UBE2C: variants seen among roughly 807,000 people sequenced by gnomAD.
The protein encoded by UBE2C is ubiquitin-conjugating enzyme E2 C.
A neutral mutation model predicts 23.5 loss-of-function variants in UBE2C; 16 were observed. The observed-to-expected ratio is 0.68, with a 90% CI of 0.46 to 1.03. The LOEUF is 1.03. UBE2C is among the 50% of genes least tolerant of loss of function. The pLI is 0.00. For missense variants in UBE2C, 192 were observed against 227.6 expected (o/e 0.84, Z 1.01); for synonymous variants, 76 against 91.6 (o/e 0.83, Z 0.97).
At chr20:45,812,875 C>T (rs1982052403) in intron 1 of UBE2C, 79 bp downstream of exon 1, 3 of 1,458,196 alleles carry the variant, frequency 2.1e-6, no homozygotes, top group Non-Finnish European at 2.7e-6. Flanking sequence ...TCTAGGACCA[C>T]CCCCCGCCGC....
In UBE2C at chr20:45,815,460, G is replaced by C. The variant is rs78668952; in HGVS notation, c.217-81G>C. 1,216 of 1,614,116 alleles carry C rather than the reference G, an allele frequency of 7.5e-4. 4 individuals carry two copies. Among genetic ancestry groups the C allele is most frequent in the South Asian group, 1.6e-3 (147 of 91,070 alleles). On this transcript the variant is annotated intron_variant, in intron 3 of 5. Transcript: ENST00000356455. The stretch of plus-strand genomic sequence containing the variant: ...GGTCCCAGAGAAACTCAAGATTCTA[G>C]CAAGCCCCTTGTGTGGGGCTTGGGT...
At chr20:45,814,128 A>ATCTCTCTC (rs10644383) in intron 2 of UBE2C, among the ~76,000 whole-genome samples, 5,250 of 140,880 alleles carry the variant, frequency 0.037, 170 homozygotes, top group African/African-American at 0.077. Context: ...CTCTCTCTCA[A>ATCTCTCTC]TCTCTCTCTC....
At chr20:45,813,494 C>A in intron 2 of UBE2C, 30 bp downstream of exon 2, 2 of 1,614,076 alleles carry the variant, frequency 1.2e-6, no homozygotes, top group South Asian at 1.1e-5. Flanking sequence ...GAACCCCAGC[C>A]TTCCATCCAA....
intron 4 of UBE2C, 30 bp downstream of exon 4, chr20:45,815,775 T>G (rs762337764): frequency 2.5e-6 from 4 of 1,611,960 alleles, no homozygotes; most frequent in Non-Finnish European, 3.4e-6. Flanking sequence ...CTCCCCTCCA[T>G]GCAACTTGGG....
At position 45,816,788 on chromosome 20, in the gene UBE2C, C is replaced by T; in HGVS notation, c.*21C>T. On this transcript the variant is annotated 3_prime_UTR_variant, in exon 6 of 6. Transcript: ENST00000356455. ...CCTGACCCAGGCTGCCCAGCCTGTC[C>T]TTGTGTCGTCTTTTTAATTTTTCCT... is the stretch of plus-strand genomic sequence containing the variant. The T allele has an allele frequency of 6.2e-7, 1 of 1,603,148 alleles. No homozygotes were observed. Among genetic ancestry groups the T allele is most frequent in the Non-Finnish European group, 8.5e-7 (1 of 1,175,564 alleles).
chr20:45,816,223 GC>G (rs1244213692), intron 5 of UBE2C, among the ~76,000 whole-genome samples: 2 of 152,224 alleles, frequency 1.3e-5, no homozygotes, highest in African/African-American at 4.8e-5. Context: ...CTGGAAGCAA[GC>G]CCTTCCAGGA....
chr20:45,813,556 A>G, intron 2 of UBE2C, 92 bp downstream of exon 2: 1 of 1,556,928 alleles, frequency 6.4e-7, no homozygotes, highest in Non-Finnish European at 8.9e-7. Context: ...CATAGGGGTA[A>G]TGTAATTTGC....
At chr20:45,816,439 C>T (rs887589153) in intron 5 of UBE2C, among the ~76,000 whole-genome samples, 2 of 152,170 alleles carry the variant, frequency 1.3e-5, no homozygotes, top group African/African-American at 4.8e-5. Flanking sequence ...AGTTTGAGAC[C>T]AGCCTGGCCA....
chr20:45,816,587 A>G (rs1982579427), intron 5 of UBE2C, 122 bp from the exon 6 acceptor site: 1 of 803,104 alleles, frequency 1.2e-6, no homozygotes, highest in Admixed American at 2.3e-5. Flanking sequence ...CAGTGAGCAG[A>G]CATCATGCTA....
At chr20:45,812,822 C>T (rs1435105275) in intron 1 of UBE2C, 26 bp downstream of exon 1, 6 of 1,545,562 alleles carry the variant, frequency 3.9e-6, no homozygotes, top group Non-Finnish European at 5.2e-6. Context: ...TACCACTCGC[C>T]GGGCCTGCCA....
Position 45,815,626 on chromosome 20 carries a change from C to T in UBE2C, c.302C>T (p.Pro101Leu), listed in dbSNP as rs1254022907. 6.2e-7 allele frequency: 1 copy of T among 1,613,840 alleles called. No homozygotes were observed. The highest frequency in any genetic ancestry group is 8.5e-7 in the Non-Finnish European group (1 of 1,179,920). The change falls in exon 4 of 6, where the codon CCC (proline) becomes CTC (leucine). Residue 101 changes from proline to leucine, a missense_variant. Transcript: ENST00000356455. ...GCGCCCACAGTGAAGTTCCTCACGC[C>T]CTGCTATCACCCCAACGTGGACACC... ...YNAPTVKFLT[P>L]CYHPNVDTQG...
rs370172572 is a variant in UBE2C at position 45,814,333 on chromosome 20, G to T, written c.130-51G>T. 229 of 1,402,116 alleles carry T rather than the reference G, an allele frequency of 1.6e-4. 1 individual carries two copies. The highest frequency in any genetic ancestry group is 2.2e-4 in the Non-Finnish European group (220 of 1,023,088). 86.9% of individuals were successfully genotyped at this position (1,402,116 alleles called of 1,614,324 possible). On this transcript the variant is annotated intron_variant, in intron 2 of 5. Coordinates refer to ENST00000356455, the MANE Select transcript of UBE2C (RefSeq NM_007019.4). ...GGGGAAAGCTCACCCACTGACCTTT[G>T]CTATGCCCAAAAGTGTACTCCACAT... is the stretch of plus-strand genomic sequence containing the variant.
Position 45,813,443 on chromosome 20 carries a change from G to A in UBE2C, c.108G>A (p.Gln36=). The A allele has an allele frequency of 6.2e-7, 1 of 1,614,152 alleles. No homozygotes were observed. Among genetic ancestry groups the A allele is most frequent in the Non-Finnish European group, 8.5e-7 (1 of 1,180,026 alleles). The change falls in exon 2 of 6, where the codon CAG becomes CAA. Residue 36 remains glutamine (Q), a synonymous_variant. Transcript: ENST00000356455. ...CCGAATACTCTTTTTTCAGGCTACA[G>A]CAGGAGCTGATGACCCTCATGGTGA... ...AARGPVGKRL[Q]QELMTLMMSG... is the part of the protein sequence containing the mutation.
chr20:45,814,087 AGT>A (rs370170183), intron 2 of UBE2C, among the ~76,000 whole-genome samples: 1 of 149,154 alleles, frequency 6.7e-6, no homozygotes, highest in Non-Finnish European at 1.5e-5. Flanking sequence ...TGGGCGACAG[AGT>A]GTGTGTGTGT....
intron 2 of UBE2C, among the ~76,000 whole-genome samples, chr20:45,814,128 A>ATCTCTCTCTCTCTCTCTCTC: frequency 7.1e-6 from 1 of 141,046 alleles, no homozygotes; most frequent in African/African-American, 2.8e-5. Flanking sequence ...CTCTCTCTCA[A>ATCTCTCTCTCTCTCTCTCTC]TCTCTCTCTC....
At chr20:45,814,875 A>G (rs1015900102) in intron 3 of UBE2C, among the ~76,000 whole-genome samples, 2 of 145,430 alleles carry the variant, frequency 1.4e-5, no homozygotes, top group African/African-American at 2.6e-5. Context: ...TCTGTCGCCC[A>G]GGCCAGACTG....
chr20:45,814,318 C>T, intron 2 of UBE2C, 66 bp from the exon 3 acceptor site: 1 of 969,150 alleles, frequency 1.0e-6, no homozygotes, highest in Non-Finnish European at 1.5e-6. Context: ...GGGGAAAGCT[C>T]ACCCACTGAC....
At chr20:45,814,895 G>A (rs1982344291) in intron 3 of UBE2C, among the ~76,000 whole-genome samples, 1 of 150,066 alleles carries the variant, frequency 6.7e-6, no homozygotes, top group Non-Finnish European at 1.5e-5. Context: ...GCGGACTGCA[G>A]TGGCGCAATC....
chr20:45,815,393 G>A lies in UBE2C; in HGVS notation c.217-148G>A, dbSNP rs200696786. The A allele has an allele frequency of 3.8e-6, 6 of 1,596,050 alleles. No homozygotes were observed. In the Admixed American group the frequency reaches 7.2e-5, roughly 19 times the overall value. On this transcript the variant is annotated intron_variant, in intron 3 of 5. Transcript: ENST00000356455. The stretch of plus-strand genomic sequence containing the variant: ...ACTAAAAAAACTTTTTAAAAAGGCA[G>A]TGGGGAGCATCAGAACCAGCTCAAC...
Sources: gnomAD v4.1 joint callset for allele counts (sites outside exome capture counted in the v4.1 genomes callset) on GRCh38, gnomAD v4.1.1 for gene constraint, MANE v1.5 for transcripts, NCBI Gene and HGNC (gene_info 2026-07-23, HGNC 2026-07-21) for gene names.